The following BORCS5 variants were observed in gnomAD, a reference collection of about 807,000 sequenced individuals.
BORCS5 encodes BLOC-1 related complex subunit 5.
BORCS5 carries 17 observed loss-of-function variants against 22.1 expected under a neutral mutation model. That is an observed-to-expected ratio of 0.77 (90% CI 0.53 to 1.15). The LOEUF is 1.15. Ranked by LOEUF, BORCS5 falls within the 50% of genes most tolerant of loss-of-function variation. The pLI is 0.00. For missense variants in BORCS5, 247 were observed against 253.2 expected (o/e 0.98, Z 0.17); for synonymous variants, 117 against 99.8 (o/e 1.17, Z -1.03).
At chr12:12,436,456 T>C (rs1012322470) in intron 3 of BORCS5, among the ~76,000 whole-genome samples, 4 of 152,246 alleles carry the variant, frequency 2.6e-5, no homozygotes, top group Admixed American at 6.5e-5. Context: ...AGCACAGTTC[T>C]AGGGGCATAA....
At chr12:12,405,772 C>T (rs552077174) in intron 2 of BORCS5, among the ~76,000 whole-genome samples, 1 of 152,324 alleles carries the variant, frequency 6.6e-6, no homozygotes, top group South Asian at 2.1e-4. Flanking sequence ...CTCTGAGCTA[C>T]ATTCAAGGTA....
intron 3 of BORCS5, among the ~76,000 whole-genome samples, chr12:12,444,005 C>G (rs1942735475): frequency 6.6e-6 from 1 of 152,204 alleles, no homozygotes; most frequent in Non-Finnish European, 1.5e-5. Context: ...GAAACCAGGG[C>G]TGGGAAAAGA....
chr12:12,370,737 A>G (rs1863507287), intron 2 of BORCS5, among the ~76,000 whole-genome samples: 1 of 151,776 alleles, frequency 6.6e-6, no homozygotes, highest in Non-Finnish European at 1.5e-5. Flanking sequence ...CAGCATCTTC[A>G]ATCTAACTTC....
chr12:12,462,162 GGTAATA>G (rs1352242366), intron 3 of BORCS5, among the ~76,000 whole-genome samples: 1 of 152,154 alleles, frequency 6.6e-6, no homozygotes, highest in African/African-American at 2.4e-5. Context: ...TTGCCTGTGT[GGTAATA>G]GCTCACACTT....
intron 3 of BORCS5, chr12:12,452,621 G>A (rs777781895): frequency 6.2e-6 from 2 of 321,642 alleles, no homozygotes; most frequent in Non-Finnish European, 1.2e-5. Context: ...CTTACAGGCT[G>A]CCATTGCAAA....
intron 2 of BORCS5, among the ~76,000 whole-genome samples, chr12:12,372,622 G>A (rs938627591): frequency 2.6e-5 from 4 of 151,966 alleles, no homozygotes; most frequent in African/African-American, 9.7e-5. Context: ...AAATACCGTT[G>A]GGGCTCATCT....
In BORCS5 at chr12:12,468,833, A is replaced by C. The variant is rs887699617; in HGVS notation, c.*3057A>C. ...CCTGGTCAAAGTGGAAGGTTGGTAG[A>C]AACTGGCCTTCATGTCTTTGTTTCC... On this transcript the variant is annotated 3_prime_UTR_variant, in exon 4 of 4. Transcript: ENST00000314565. 2 of 152,202 alleles carry C rather than the reference A, an allele frequency of 1.3e-5. No homozygotes were observed. Among genetic ancestry groups the C allele is most frequent in the Admixed American group, 6.5e-5 (1 of 15,272 alleles). The allele number at this position is 152,202 out of a possible 1,614,324, so 9.4% of individuals were successfully genotyped here. A position where few individuals can be genotyped will look rare whatever the true frequency, so the allele number is the denominator to read the frequency against.
At chr12:12,434,944 T>G (rs1187926785) in intron 2 of BORCS5, among the ~76,000 whole-genome samples, 1 of 152,228 alleles carries the variant, frequency 6.6e-6, no homozygotes, top group Admixed American at 6.5e-5. Context: ...TTTGGCCTCT[T>G]CAATTGATTT....
intron 3 of BORCS5, among the ~76,000 whole-genome samples, 167 bp from the exon 4 acceptor site, chr12:12,465,379 T>G (rs1457327764): frequency 6.6e-6 from 1 of 152,182 alleles, no homozygotes; most frequent in South Asian, 2.1e-4. Context: ...GCACAACAGT[T>G]GATAAAGCTG....
At chr12:12,380,999 A>AT (rs1176454564) in intron 2 of BORCS5, among the ~76,000 whole-genome samples, 1 of 137,240 alleles carries the variant, frequency 7.3e-6, no homozygotes, top group East Asian at 2.1e-4. Context: ...CTTTCTTTTC[A>AT]TTTTTTGGGG....
intron 3 of BORCS5, among the ~76,000 whole-genome samples, chr12:12,438,386 A>T (rs1156339909): frequency 2.5e-5 from 3 of 119,506 alleles, no homozygotes; most frequent in Admixed American, 1.5e-4. Flanking sequence ...AAAAACGAAA[A>T]ACAACAACAA....
rs1165636619 is a variant in BORCS5 at position 12,470,180 on chromosome 12, A to C, written c.*4404A>C. ...CCGCCTCCCGGGTTCAAGCAGTTAT[A>C]CTGTCTCAGCCTCCCGAGTAGCTGG... On this transcript the variant is annotated 3_prime_UTR_variant, in exon 4 of 4. Transcript: ENST00000314565. Among the ~76,000 whole-genome samples, 1 of 152,034 alleles carries C rather than the reference A, an allele frequency of 6.6e-6. No homozygotes were observed. Among genetic ancestry groups the C allele is most frequent in the Non-Finnish European group, 1.5e-5 (1 of 67,968 alleles).
chr12:12,368,101 T>C (rs1355787877), intron 2 of BORCS5, among the ~76,000 whole-genome samples: 1 of 152,228 alleles, frequency 6.6e-6, no homozygotes, highest in Non-Finnish European at 1.5e-5. Context: ...CTCATATACA[T>C]AACTTCATCC....
At chr12:12,374,658 A>G (rs1863608276) in intron 2 of BORCS5, among the ~76,000 whole-genome samples, 1 of 151,274 alleles carries the variant, frequency 6.6e-6, no homozygotes, top group Non-Finnish European at 1.5e-5. Context: ...AAAAGATGCC[A>G]AAAAGAATTC....
At chr12:12,406,064 A>G (rs1941588970) in intron 2 of BORCS5, among the ~76,000 whole-genome samples, 1 of 152,250 alleles carries the variant, frequency 6.6e-6, no homozygotes, top group Non-Finnish European at 1.5e-5. Context: ...GATTGCTTCT[A>G]CTGCTCCCTT....
In BORCS5 at chr12:12,468,380, G is replaced by C. The variant is rs1943235328; in HGVS notation, c.*2604G>C. 1 of 152,158 alleles carries C rather than the reference G, an allele frequency of 6.6e-6. No individual in the cohort carries two copies. The highest frequency in any genetic ancestry group is 6.5e-5 in the Admixed American group (1 of 15,274). The allele number at this position is 152,158 out of a possible 1,614,324, so 9.4% of individuals were successfully genotyped here. A position where few individuals can be genotyped will look rare whatever the true frequency, so the allele number is the denominator to read the frequency against. On this transcript the variant is annotated 3_prime_UTR_variant, in exon 4 of 4. Transcript: ENST00000314565. ...ATCTCTTTGTTGGTTAATACCCCAT[G>C]ACCTATCTGGCCGTTATGGGATATT...
At chr12:12,460,078 C>G (rs1005933987) in intron 3 of BORCS5, among the ~76,000 whole-genome samples, 1 of 152,196 alleles carries the variant, frequency 6.6e-6, no homozygotes, top group African/African-American at 2.4e-5. Context: ...ACTTGGATTG[C>G]AAATGAACCT....
chr12:12,421,678 T>G (rs1328025712), intron 2 of BORCS5, among the ~76,000 whole-genome samples: 1 of 152,186 alleles, frequency 6.6e-6, no homozygotes, highest in African/African-American at 2.4e-5. Context: ...ATCCTTCTGG[T>G]TCTGGACTTT....
At chr12:12,438,385 A>AAAAAAAAAAAAAAAAAAAAAAAAAACAC (rs1555156048) in intron 3 of BORCS5, among the ~76,000 whole-genome samples, 2 of 126,112 alleles carry the variant, frequency 1.6e-5, no homozygotes, top group African/African-American at 6.6e-5. Flanking sequence ...AAAAAACGAA[A>AAAAAAAAAAAAAAAAAAAAAAAAAACAC]AACAACAACA....
Sources: allele counts gnomAD v4.1 joint callset (sites outside exome capture counted in the v4.1 genomes callset), GRCh38; gene constraint gnomAD v4.1.1; transcripts MANE v1.5; gene names NCBI Gene and HGNC (gene_info 2026-07-23, HGNC 2026-07-21).